The following DCC variants were observed in gnomAD, a reference collection of about 807,000 sequenced individuals.
DCC encodes netrin receptor DCC.
A neutral mutation model predicts 172.5 loss-of-function variants in DCC; 58 were observed. The observed-to-expected ratio is 0.34, with a 90% CI of 0.27 to 0.42. The LOEUF is 0.42. DCC is among the 10% of genes least tolerant of loss of function. The pLI is 1.00. For synonymous variants in DCC, 709 were observed against 644.5 expected (o/e 1.10, Z -1.52); for missense variants, 1,740 against 1,791.0 (o/e 0.97, Z 0.51).
intron 5 of DCC, among the ~76,000 whole-genome samples, chr18:52,985,595 A>C (rs2041280202): frequency 6.6e-6 from 1 of 152,078 alleles, no homozygotes; most frequent in African/African-American, 2.4e-5. Flanking sequence ...GAGTGCCGTC[A>C]ATTTTTCAGT....
intron 1 of DCC, among the ~76,000 whole-genome samples, chr18:52,749,477 C>G (rs773302680): frequency 2.6e-5 from 4 of 152,150 alleles, no homozygotes; most frequent in Non-Finnish European, 5.9e-5. Flanking sequence ...CTTGATTCAC[C>G]AGGATCCATC....
chr18:52,471,823 T>C (rs1988954827), intron 1 of DCC, among the ~76,000 whole-genome samples: 1 of 152,228 alleles, frequency 6.6e-6, no homozygotes, highest in Admixed American at 6.5e-5. Flanking sequence ...GAATACTTTG[T>C]GTAACCTTGC....
At chr18:52,838,553 C>A (rs1488314119) in intron 2 of DCC, among the ~76,000 whole-genome samples, 1 of 151,856 alleles carries the variant, frequency 6.6e-6, no homozygotes, top group Non-Finnish European at 1.5e-5. Context: ...GGTAAGAAAT[C>A]GATTATTATT....
chr18:52,765,746 T>C (rs2037239386), intron 2 of DCC, among the ~76,000 whole-genome samples: 1 of 152,194 alleles, frequency 6.6e-6, no homozygotes, highest in Non-Finnish European at 1.5e-5. Context: ...ACCTTGCTAG[T>C]TGTGTGGGGT....
At chr18:53,022,508 CATATATATGTTCAGTATTTTTT>C (rs2041894651) in intron 5 of DCC, among the ~76,000 whole-genome samples, 1 of 149,830 alleles carries the variant, frequency 6.7e-6, no homozygotes, top group Non-Finnish European at 1.5e-5. Context: ...AAGATACATA[CATATATATGTTCAGTATTTTTT>C]ATATATATAT....
chr18:52,631,619 G>A (rs778250259), intron 1 of DCC, among the ~76,000 whole-genome samples: 6 of 152,198 alleles, frequency 3.9e-5, no homozygotes, highest in Non-Finnish European at 7.3e-5. Context: ...AGCTTGGTGT[G>A]CTGGGCTTGT....
intron 2 of DCC, among the ~76,000 whole-genome samples, chr18:52,812,964 GAGTGGGGAGGGTATTC>G (rs1488380250): frequency 6.6e-6 from 1 of 152,206 alleles, no homozygotes; most frequent in Non-Finnish European, 1.5e-5. Context: ...CAAAATTGTA[GAGTGGGGAGGGTATTC>G]AGTGAGCTGA....
chr18:53,092,037 T>C (rs773119424), intron 7 of DCC, among the ~76,000 whole-genome samples: 9 of 152,264 alleles, frequency 5.9e-5, no homozygotes, highest in African/African-American at 1.9e-4. Context: ...ATATGACAAT[T>C]ATTTTTAATT....
chr18:53,021,220 G>A (rs546354856), intron 5 of DCC, among the ~76,000 whole-genome samples: 6 of 152,290 alleles, frequency 3.9e-5, no homozygotes, highest in Middle Eastern at 3.4e-3. Flanking sequence ...ACCTGGCCCC[G>A]TGTTCATTCT....
chr18:52,672,532 CCTTT>C (rs200121637), intron 1 of DCC, among the ~76,000 whole-genome samples: 3,864 of 151,982 alleles, frequency 0.025, 68 homozygotes, highest in Middle Eastern at 0.034. Context: ...CTTCTCCCTT[CCTTT>C]CTTTCTTCCT....
rs548098356 is a variant in DCC, at chr18:53,184,565, A to G, written c.1573+5449A>G. Among the ~76,000 whole-genome samples, 19 of 152,222 alleles carry G rather than the reference A, an allele frequency of 1.2e-4. No individual in the cohort carries two copies. The South Asian group carries it at 3.9e-3, about 32-fold the overall frequency. ...AGGCTGCAAACCTGTATAGCATGTG[A>G]CGGTACTGAATACTGCAGGCAATTA... On this transcript the variant is annotated intron_variant, in intron 9 of 28. Coordinates refer to ENST00000442544, the MANE Select transcript of DCC (RefSeq NM_005215.4).
intron 2 of DCC, among the ~76,000 whole-genome samples, chr18:52,857,641 A>G (rs1387989773): frequency 1.3e-5 from 2 of 152,048 alleles, no homozygotes. Flanking sequence ...TCTGTGAATA[A>G]TCACTAATGA....
intron 2 of DCC, among the ~76,000 whole-genome samples, chr18:52,904,104 A>G (rs1598914748): frequency 6.6e-6 from 1 of 152,252 alleles, no homozygotes; most frequent in African/African-American, 2.4e-5. Flanking sequence ...CCATGGATCC[A>G]GATTTCAGAG....
intron 2 of DCC, among the ~76,000 whole-genome samples, chr18:52,834,269 C>T (rs990675892): frequency 2.0e-5 from 3 of 152,200 alleles, no homozygotes; most frequent in Admixed American, 6.5e-5. Context: ...AAGTCCAATT[C>T]ATCTCATATC....
intron 1 of DCC, among the ~76,000 whole-genome samples, chr18:52,351,685 G>C (rs1247411966): frequency 9.9e-5 from 15 of 152,094 alleles, no homozygotes; most frequent in Non-Finnish European, 1.5e-5. Context: ...CTTGTTCTGG[G>C]GCCTCCTTCA....
intron 9 of DCC, among the ~76,000 whole-genome samples, chr18:53,199,086 T>C (rs1356892428): frequency 6.6e-6 from 1 of 151,574 alleles, no homozygotes; most frequent in Non-Finnish European, 1.5e-5. Context: ...TTTCTTTTTT[T>C]TTTTTTTGAG....
chr18:53,050,919 G>A (rs1036886144), intron 5 of DCC, among the ~76,000 whole-genome samples: 1 of 152,050 alleles, frequency 6.6e-6, no homozygotes, highest in African/African-American at 2.4e-5. Context: ...ACTTCCAGAG[G>A]CAGTTTTCCA....
chr18:52,913,762 C>T (rs566749183), intron 3 of DCC, among the ~76,000 whole-genome samples: 1 of 152,062 alleles, frequency 6.6e-6, no homozygotes, highest in South Asian at 2.1e-4. Context: ...CTAGGTGGGT[C>T]ATCTTAAGGG....
intron 25 of DCC, among the ~76,000 whole-genome samples, chr18:53,473,975 A>G (rs900506707): frequency 6.6e-6 from 1 of 152,074 alleles, no homozygotes; most frequent in Non-Finnish European, 1.5e-5. Flanking sequence ...TCTCTTAGTG[A>G]CTTATTCTAC....
Sources: gnomAD v4.1 joint callset for allele counts (sites outside exome capture counted in the v4.1 genomes callset) on GRCh38, gnomAD v4.1.1 for gene constraint, MANE v1.5 for transcripts, NCBI Gene and HGNC (gene_info 2026-07-23, HGNC 2026-07-21) for gene names.